Variants in ASXL2 observed in about 807,000 individuals in gnomAD.
ASXL2 encodes the protein putative Polycomb group protein ASXL2.
In ASXL2, 23 loss-of-function variants were observed where a neutral mutation model predicts 122.0. That is an observed-to-expected ratio of 0.19 (90% confidence interval 0.14 to 0.27). The LOEUF is 0.27. Ranked by LOEUF, ASXL2 falls within the 10% of genes least tolerant of loss-of-function variation. The pLI is 1.00. For synonymous variants in ASXL2, 650 were observed against 637.0 expected (o/e 1.02, Z -0.31); for missense variants, 1,518 against 1,713.8 (o/e 0.89, Z 2.02).
intron 12 of ASXL2, among the ~76,000 whole-genome samples, chr2:25,748,166 A>G (rs1417425932): frequency 6.6e-6 from 1 of 151,378 alleles, no homozygotes; most frequent in East Asian, 1.9e-4. Context: ...CGACAGTGCA[A>G]GACTCCATCT....
rs556210993 is a variant in ASXL2 at position 25,749,449 on chromosome 2, G to A, written c.1860+247C>T. On this transcript the variant is annotated intron_variant, in intron 12 of 12. Transcript: ENST00000435504. ...TCTGAGCTCAAGTAGTGAGCACAGG[G>A]GTGGTTTACATTAGATGCCCAGGTA... Among the ~76,000 whole-genome samples the A allele has an allele frequency of 2.6e-4, 39 of 152,270 alleles. No homozygotes were observed. The East Asian group carries it at 5.0e-3, about 20-fold the overall frequency.
intron 3 of ASXL2, among the ~76,000 whole-genome samples, chr2:25,826,895 A>G (rs1052853932): frequency 7.9e-5 from 12 of 151,762 alleles, no homozygotes; most frequent in African/African-American, 2.9e-4. Context: ...AGGCTGGCTC[A>G]ATCATACTGC....
chr2:25,800,344 GTGTA>G (rs1194220465), intron 4 of ASXL2, among the ~76,000 whole-genome samples: 3 of 152,102 alleles, frequency 2.0e-5, no homozygotes, highest in Non-Finnish European at 4.4e-5. Context: ...ATGTCCATGT[GTGTA>G]TGTAAGTACC....
At chr2:25,794,224 G>C (rs1276749425) in intron 5 of ASXL2, among the ~76,000 whole-genome samples, 1 of 152,160 alleles carries the variant, frequency 6.6e-6, no homozygotes, top group Non-Finnish European at 1.5e-5. Flanking sequence ...AGAGGAAACA[G>C]TGATTCCTTA....
In ASXL2 at chr2:25,741,582, T is replaced by C. The variant is rs1174968879; in HGVS notation, c.*447A>G. 1 of 238,390 alleles carries C rather than the reference T, an allele frequency of 4.2e-6. No individual in the cohort carries two copies. The highest frequency in any genetic ancestry group is 5.1e-5 in the Admixed American group (1 of 19,784). The allele number at this position is 238,390 out of a possible 1,614,324, so 14.8% of individuals were successfully genotyped here. On this transcript the variant is annotated 3_prime_UTR_variant, in exon 13 of 13. Coordinates refer to ENST00000435504, the MANE Select transcript of ASXL2 (RefSeq NM_018263.6). Reference sequence around the variant, plus strand: ...ACTGTCCAGACAAAATCAGTGTGAATGGTCATTTCTTTAGACCATTCCTTC... The same window carrying C: ...ACTGTCCAGACAAAATCAGTGTGAACGGTCATTTCTTTAGACCATTCCTTC...
intron 12 of ASXL2, among the ~76,000 whole-genome samples, chr2:25,748,938 T>C (rs1423056355): frequency 2.0e-5 from 3 of 152,236 alleles, no homozygotes; most frequent in Non-Finnish European, 4.4e-5. Flanking sequence ...GACTATTCCA[T>C]GTTACTAGTG....
chr2:25,834,014 T>G (rs1231953986), intron 3 of ASXL2, among the ~76,000 whole-genome samples: 1 of 152,162 alleles, frequency 6.6e-6, no homozygotes, highest in Non-Finnish European at 1.5e-5. Context: ...AAATCTTGTT[T>G]TGCTTAAGTT....
intron 3 of ASXL2, chr2:25,822,811 A>G: frequency 5.3e-6 from 3 of 561,464 alleles, no homozygotes; most frequent in Non-Finnish European, 1.1e-5. Context: ...GGTTCAGATG[A>G]AGACAGGTCT....
intron 1 of ASXL2, among the ~76,000 whole-genome samples, chr2:25,874,925 A>AT (rs59000822): frequency 0.28 from 42,248 of 151,338 alleles, 6,226 homozygotes; most frequent in African/African-American, 0.33. Context: ...ACAAAAAAAA[A>AT]TTTTTTAATT....
At chr2:25,850,843 T>G (rs1223427010) in intron 1 of ASXL2, among the ~76,000 whole-genome samples, 1 of 152,080 alleles carries the variant, frequency 6.6e-6, no homozygotes, top group Non-Finnish European at 1.5e-5. Context: ...GAGGTACAAT[T>G]CATATTAAAA....
chr2:25,810,388 T>C (rs1381774577), intron 3 of ASXL2: 6 of 670,278 alleles, frequency 9.0e-6, no homozygotes, highest in Non-Finnish European at 8.2e-6. Flanking sequence ...AACCTTCATA[T>C]CTCTCTCACT....
intron 12 of ASXL2, among the ~76,000 whole-genome samples, chr2:25,745,688 G>A (rs1202739767): frequency 2.1e-5 from 3 of 140,202 alleles, no homozygotes; most frequent in Non-Finnish European, 4.5e-5. Context: ...CTGTCACCCA[G>A]GCTGGAGTGC....
intron 5 of ASXL2, among the ~76,000 whole-genome samples, chr2:25,791,881 ATGC>A (rs2088839816): frequency 6.6e-6 from 1 of 152,234 alleles, no homozygotes; most frequent in Admixed American, 6.5e-5. Context: ...CCCTCTAGAT[ATGC>A]TGAGACAACT....
At chr2:25,838,568 G>A (rs753896838) in intron 2 of ASXL2, among the ~76,000 whole-genome samples, 9 of 152,134 alleles carry the variant, frequency 5.9e-5, no homozygotes, top group African/African-American at 9.7e-5. Context: ...TGGGAGGCTG[G>A]AGTTTGAATC....
intron 5 of ASXL2, among the ~76,000 whole-genome samples, chr2:25,789,945 T>C (rs552939812): frequency 5.9e-5 from 9 of 152,326 alleles, no homozygotes; most frequent in African/African-American, 1.7e-4. Context: ...GTTTTCACAA[T>C]GCTGATGAAG....
intron 8 of ASXL2, among the ~76,000 whole-genome samples, chr2:25,762,458 G>C (rs2088270599): frequency 6.6e-6 from 1 of 151,782 alleles, no homozygotes; most frequent in South Asian, 2.1e-4. Flanking sequence ...TTGAGGGCAG[G>C]AGCTCAGGAC....
chr2:25,827,409 A>C (rs1016657317), intron 3 of ASXL2, among the ~76,000 whole-genome samples: 1 of 152,166 alleles, frequency 6.6e-6, no homozygotes, highest in Non-Finnish European at 1.5e-5. Flanking sequence ...GTAATTTAGA[A>C]ATTACTGAAT....
chr2:25,772,988 C>T (rs543627861), intron 5 of ASXL2, among the ~76,000 whole-genome samples: 1 of 151,914 alleles, frequency 6.6e-6, no homozygotes, highest in East Asian at 2.0e-4. Context: ...GCAGGCGGAT[C>T]GACTGAAGTC....
At chr2:25,761,622 G>A (rs900425039) in intron 8 of ASXL2, among the ~76,000 whole-genome samples, 10 of 143,396 alleles carry the variant, frequency 7.0e-5, no homozygotes, top group Admixed American at 4.3e-4. Flanking sequence ...GCAGTGAGCC[G>A]AGATCGCACC....
Sources: allele counts gnomAD v4.1 joint callset (sites outside exome capture counted in the v4.1 genomes callset), GRCh38; gene constraint gnomAD v4.1.1; transcripts MANE v1.5; gene names NCBI Gene and HGNC (gene_info 2026-07-23, HGNC 2026-07-21).